The following MIPOL1 variants were observed in gnomAD, a reference collection of about 807,000 sequenced individuals.
The protein encoded by MIPOL1 is mirror-image polydactyly 1.
In MIPOL1, 57 loss-of-function variants were observed where a neutral mutation model predicts 60.9. The observed-to-expected ratio is 0.94, with a 90% CI of 0.76 to 1.17. The LOEUF (loss-of-function observed/expected upper bound fraction) is 1.17, where lower values mean the gene tolerates loss of function less well. Among genes scored for constraint, MIPOL1 ranks in the 50% most tolerant of loss-of-function variants. The probability of loss-of-function intolerance (pLI) is 0.00; values close to 1 mark genes in which losing one functional copy is unlikely to be tolerated. For synonymous variants in MIPOL1, 179 were observed against 168.8 expected, an observed-to-expected ratio of 1.06 and a Z score of -0.47; for missense variants, 551 against 511.6, an observed-to-expected ratio of 1.08 and a Z score of -0.74.
intron 1 of MIPOL1, among the ~76,000 whole-genome samples, chr14:37,223,678 A>T (rs991363296): frequency 6.6e-6 from 1 of 151,058 alleles, no homozygotes; most frequent in African/African-American, 2.4e-5. Context: ...AATTTTTTGT[A>T]TTTTTAGTAG....
At chr14:37,273,974 A>G (rs945484381) in intron 6 of MIPOL1, among the ~76,000 whole-genome samples, 5 of 151,558 alleles carry the variant, frequency 3.3e-5, no homozygotes, top group Admixed American at 3.3e-4. Context: ...CAGTTATGAA[A>G]AGACATTTTA....
intron 11 of MIPOL1, among the ~76,000 whole-genome samples, chr14:37,472,450 AGT>A (rs2094702234): frequency 6.6e-6 from 1 of 151,962 alleles, no homozygotes. Context: ...AACTAGTGAG[AGT>A]GTGCAGAGCA....
intron 11 of MIPOL1, among the ~76,000 whole-genome samples, chr14:37,458,024 A>T (rs1236885160): frequency 6.6e-6 from 1 of 152,162 alleles, no homozygotes; most frequent in African/African-American, 2.4e-5. Context: ...AAAATGAGCA[A>T]GAGTAGCTAT....
chr14:37,198,287 C>G (rs1964659887), intron 1 of MIPOL1, 183 bp downstream of exon 1: 1 of 152,366 alleles, frequency 6.6e-6, no homozygotes, highest in South Asian at 2.1e-4. Flanking sequence ...AGGTCAGTGT[C>G]GTGGGGTCCT....
intron 9 of MIPOL1, among the ~76,000 whole-genome samples, chr14:37,341,395 A>G (rs948929631): frequency 6.6e-6 from 1 of 152,218 alleles, no homozygotes; most frequent in Non-Finnish European, 1.5e-5. Context: ...TAGCCTTAGA[A>G]TGTGAAATTA....
intron 3 of MIPOL1, among the ~76,000 whole-genome samples, chr14:37,260,241 A>G (rs897525894): frequency 2.3e-5 from 3 of 131,780 alleles, no homozygotes; most frequent in Non-Finnish European, 4.9e-5. Context: ...GATCTCATCT[A>G]AAAAAAAAAA....
chr14:37,283,704 CA>C (rs797012772), intron 6 of MIPOL1, among the ~76,000 whole-genome samples: 3 of 152,190 alleles, frequency 2.0e-5, no homozygotes, highest in African/African-American at 7.2e-5. Flanking sequence ...TTTATTCGGC[CA>C]AGAGCTTTCA....
intron 1 of MIPOL1, among the ~76,000 whole-genome samples, chr14:37,233,713 A>T (rs1399623289): frequency 6.6e-6 from 1 of 152,240 alleles, no homozygotes; most frequent in Non-Finnish European, 1.5e-5. Flanking sequence ...GATGAGAGGA[A>T]TGAGCAGGAG....
At chr14:37,235,180 C>T (rs1199240744) in intron 1 of MIPOL1, among the ~76,000 whole-genome samples, 1 of 152,030 alleles carries the variant, frequency 6.6e-6, no homozygotes, top group Non-Finnish European at 1.5e-5. Flanking sequence ...AGCTATTGTT[C>T]TCTCTTGTTC....
chr14:37,475,203 G>A (rs934486605), intron 11 of MIPOL1, among the ~76,000 whole-genome samples: 2 of 151,930 alleles, frequency 1.3e-5, no homozygotes, highest in African/African-American at 4.8e-5. Context: ...GACCTCAAGT[G>A]GTCCACCCGC....
chr14:37,297,110 A>T (rs1289471141), intron 7 of MIPOL1, among the ~76,000 whole-genome samples: 2 of 152,226 alleles, frequency 1.3e-5, no homozygotes, highest in Non-Finnish European at 2.9e-5. Context: ...ATCCACCATG[A>T]TCAAGTGGGC....
intron 11 of MIPOL1, among the ~76,000 whole-genome samples, chr14:37,495,168 A>T (rs1266227679): frequency 6.8e-6 from 1 of 147,066 alleles, no homozygotes; most frequent in African/African-American, 2.5e-5. Flanking sequence ...TTTAGGGTAC[A>T]TGGCACATTG....
intron 1 of MIPOL1, among the ~76,000 whole-genome samples, chr14:37,218,916 CCCTA>C (rs1968238203): frequency 7.5e-6 from 1 of 133,648 alleles, no homozygotes; most frequent in Non-Finnish European, 1.5e-5. Context: ...CAGAGTGAGA[CCCTA>C]TTTCAAAAAA....
chr14:37,489,232 C>A (rs2095004495), intron 11 of MIPOL1, among the ~76,000 whole-genome samples: 1 of 152,138 alleles, frequency 6.6e-6, no homozygotes, highest in Admixed American at 6.6e-5. Flanking sequence ...GATATCCTTT[C>A]TTCCGCTTGA....
At chr14:37,324,227 C>G (rs1267713326) in intron 9 of MIPOL1, among the ~76,000 whole-genome samples, 1 of 152,036 alleles carries the variant, frequency 6.6e-6, no homozygotes, top group African/African-American at 2.4e-5. Context: ...TCAACACTTG[C>G]TATTGTCACT....
At chr14:37,334,915 T>C (rs1159750510) in intron 9 of MIPOL1, among the ~76,000 whole-genome samples, 1 of 152,106 alleles carries the variant, frequency 6.6e-6, no homozygotes, top group Non-Finnish European at 1.5e-5. Context: ...TGTTTATTCA[T>C]TTATCAGCTG....
At chr14:37,291,127 A>C (rs888688847) in intron 7 of MIPOL1, among the ~76,000 whole-genome samples, 1 of 152,046 alleles carries the variant, frequency 6.6e-6, no homozygotes. Flanking sequence ...GGGTCCTGCT[A>C]TGTTGCCCAG....
chr14:37,430,078 T>A (rs973421025), intron 11 of MIPOL1, among the ~76,000 whole-genome samples: 1 of 152,142 alleles, frequency 6.6e-6, no homozygotes, highest in Non-Finnish European at 1.5e-5. Context: ...AAATTTTTTG[T>A]CACACCTCTG....
At chr14:37,299,372 TG>T (rs2086142429) in intron 7 of MIPOL1, among the ~76,000 whole-genome samples, 1 of 152,154 alleles carries the variant, frequency 6.6e-6, no homozygotes, top group Non-Finnish European at 1.5e-5. Flanking sequence ...CACACCAACA[TG>T]GCACATGTAT....
Sources: allele counts gnomAD v4.1 joint callset (sites outside exome capture counted in the v4.1 genomes callset), GRCh38; gene constraint gnomAD v4.1.1; transcripts MANE v1.5; gene names NCBI Gene and HGNC (gene_info 2026-07-23, HGNC 2026-07-21).